EPB41L4A: variants seen among roughly 807,000 people sequenced by gnomAD.
The protein encoded by EPB41L4A is erythrocyte membrane protein band 4.1 like 4A, also known as band 4.1-like protein 4A.
A neutral mutation model predicts 108.6 loss-of-function variants in EPB41L4A; 100 were observed. That is an observed-to-expected ratio of 0.92 (90% CI 0.78 to 1.09). EPB41L4A has a LOEUF of 1.09. Among genes scored for constraint, EPB41L4A ranks in the 50% least tolerant of loss-of-function variants. The pLI, the probability that EPB41L4A is intolerant of heterozygous loss-of-function variation, is 0.00. For missense variants in EPB41L4A, 1,030 were observed against 842.7 expected, an observed-to-expected ratio of 1.22 and a Z score of -2.75; for synonymous variants, 319 against 289.0, an observed-to-expected ratio of 1.10 and a Z score of -1.05.
At chr5:112,279,592 TA>T (rs1561535862) in intron 3 of EPB41L4A, among the ~76,000 whole-genome samples, 1 of 152,202 alleles carries the variant, frequency 6.6e-6, no homozygotes, top group Admixed American at 6.5e-5. Flanking sequence ...TTTTATATGT[TA>T]TGTACCTTTT....
chr5:112,338,270 T>C lies in EPB41L4A; in HGVS notation c.100-30780A>G, dbSNP rs146245375. ...GCCAAACTAAACTGCTACCTTCCCA[T>C]AGCAGATCAGCTTCTCAGACCCCTT... On this transcript the variant is annotated intron_variant, in intron 1 of 22. Transcript: ENST00000261486. Among the ~76,000 whole-genome samples the C allele has an allele frequency of 1.0e-3, 157 of 152,248 alleles. 1 individual carries two copies. Among genetic ancestry groups the C allele is most frequent in the African/African-American group, 3.5e-3 (146 of 41,540 alleles).
At chr5:112,378,385 T>A (rs1759955505) in intron 1 of EPB41L4A, among the ~76,000 whole-genome samples, 1 of 152,202 alleles carries the variant, frequency 6.6e-6, no homozygotes, top group Admixed American at 6.5e-5. Flanking sequence ...AATTTATAAA[T>A]CTTTTCTATC....
chr5:112,155,560 T>C (rs1759618038), intron 12 of EPB41L4A, among the ~76,000 whole-genome samples: 1 of 152,256 alleles, frequency 6.6e-6, no homozygotes, highest in East Asian at 1.9e-4. Flanking sequence ...CTGACACATT[T>C]CTAGAGTGAC....
At chr5:112,407,232 C>T (rs1240615176) in intron 1 of EPB41L4A, among the ~76,000 whole-genome samples, 3 of 152,076 alleles carry the variant, frequency 2.0e-5, no homozygotes, top group East Asian at 3.9e-4. Context: ...ATTTTTCAAG[C>T]GTTTGAATAC....
At chr5:112,209,602 T>C (rs1395507184) in intron 13 of EPB41L4A, among the ~76,000 whole-genome samples, 1 of 152,254 alleles carries the variant, frequency 6.6e-6, no homozygotes, top group African/African-American at 2.4e-5. Context: ...CATGCCATTT[T>C]CAAAATCACA....
intron 1 of EPB41L4A, among the ~76,000 whole-genome samples, chr5:112,403,685 C>A (rs1437543290): frequency 6.6e-6 from 1 of 152,154 alleles, no homozygotes; most frequent in Non-Finnish European, 1.5e-5. Flanking sequence ...CCAACCTGGT[C>A]TCAAACTCCT....
chr5:112,302,381 A>G (rs1250079673), intron 2 of EPB41L4A, among the ~76,000 whole-genome samples: 1 of 152,094 alleles, frequency 6.6e-6, no homozygotes, highest in Non-Finnish European at 1.5e-5. Context: ...TCTCAGAAAC[A>G]TTTTTTAAAA....
intron 1 of EPB41L4A, among the ~76,000 whole-genome samples, chr5:112,323,177 A>G (rs1755914630): frequency 6.6e-6 from 1 of 152,060 alleles, no homozygotes; most frequent in South Asian, 2.1e-4. Flanking sequence ...TTCCTGGAGG[A>G]CAGACAACAA....
chr5:112,187,950 C>G (rs936351045), intron 17 of EPB41L4A, among the ~76,000 whole-genome samples: 3 of 152,158 alleles, frequency 2.0e-5, no homozygotes, highest in Non-Finnish European at 2.9e-5. Context: ...CTTTTTTGGT[C>G]AAGTCTCAGG....
At chr5:112,335,692 T>G (rs1756873304) in intron 1 of EPB41L4A, among the ~76,000 whole-genome samples, 1 of 152,256 alleles carries the variant, frequency 6.6e-6, no homozygotes, top group Admixed American at 6.5e-5. Flanking sequence ...TATCTACTTC[T>G]GCTCCTGTCT....
intron 17 of EPB41L4A, 109 bp from the exon 18 acceptor site, chr5:112,184,244 G>T: frequency 7.7e-7 from 1 of 1,292,808 alleles, no homozygotes; most frequent in South Asian, 1.4e-5. Flanking sequence ...ATTTTATTAT[G>T]ATCATTTATA....
At position 112,307,639 on chromosome 5, in the gene EPB41L4A, A is replaced by T. The variant is rs2150580049; in HGVS notation, c.100-149T>A. On this transcript the variant is annotated intron_variant, in intron 1 of 22. Coordinates refer to ENST00000261486, the MANE Select transcript of EPB41L4A (RefSeq NM_022140.5). ...CTTCTCTGTAAGTTGTGCCTCAATTATGAAGAAAAAAACGTGATTTAAAGC... is the reference window on the plus strand; with the variant it reads ...CTTCTCTGTAAGTTGTGCCTCAATTTTGAAGAAAAAAACGTGATTTAAAGC... 4 of 464,088 alleles carry T rather than the reference A, an allele frequency of 8.6e-6. No homozygotes were observed. In the Middle Eastern group the frequency reaches 1.4e-3, roughly 164 times the overall value. 28.7% of individuals were successfully genotyped at this position (464,088 alleles called of 1,614,324 possible). A position where few individuals can be genotyped will look rare whatever the true frequency, so the allele number is the denominator to read the frequency against.
intron 1 of EPB41L4A, among the ~76,000 whole-genome samples, chr5:112,344,007 G>A (rs372949686): frequency 2.0e-5 from 3 of 152,116 alleles, no homozygotes; most frequent in Non-Finnish European, 2.9e-5. Flanking sequence ...AGTATGCTAC[G>A]ATTGTGCCTG....
At chr5:112,419,742 G>A (rs1183563489), upstream of EPB41L4A, 3 of 456,666 alleles carry the variant, frequency 6.6e-6, no homozygotes, top group African/African-American at 4.0e-5. Flanking sequence ...AGGCGGAAAG[G>A]GCAGCAGGCT....
chr5:112,199,301 T>C (rs1430841544), intron 15 of EPB41L4A, among the ~76,000 whole-genome samples: 3 of 152,210 alleles, frequency 2.0e-5, no homozygotes, highest in African/African-American at 4.8e-5. Context: ...ATTTTCTGCC[T>C]AGGTAATATA....
intron 6 of EPB41L4A, 143 bp from the exon 7 acceptor site, chr5:112,262,724 G>T: frequency 1.5e-6 from 1 of 685,224 alleles, no homozygotes. Context: ...TTTCAAGAAG[G>T]CCTTTGCTTC....
rs1187374796 is a variant in EPB41L4A at position 112,277,189 on chromosome 5, C to G, written c.257-1785G>C. Reference sequence around the variant, plus strand: ...TGCCCGCAGGCAGCTGGGGTTGGTACCTAGGGGGCGGGGAGGAGCACAGAT... The same window carrying G: ...TGCCCGCAGGCAGCTGGGGTTGGTAGCTAGGGGGCGGGGAGGAGCACAGAT... On this transcript the variant is annotated intron_variant, in intron 3 of 22. Coordinates refer to ENST00000261486, the MANE Select transcript of EPB41L4A (RefSeq NM_022140.5). Among the ~76,000 whole-genome samples the G allele has an allele frequency of 2.0e-5, 3 of 152,158 alleles. 1 individual carries two copies. The highest frequency in any genetic ancestry group is 1.5e-5 in the Non-Finnish European group (1 of 68,008).
In EPB41L4A at chr5:112,177,520, C is replaced by T. The variant is rs114681057; in HGVS notation, c.1622+6496G>A. On this transcript the variant is annotated intron_variant, in intron 18 of 22. Transcript: ENST00000261486. ...ATATTCACACATTATGGAGATTAAG[C>T]CATGGACATATATCAGGGGTCATTA... Among the ~76,000 whole-genome samples, 888 of 152,264 alleles carry T rather than the reference C, an allele frequency of 5.8e-3. 3 individuals are homozygous for T. Among genetic ancestry groups the T allele is most frequent in the Middle Eastern group, 0.014 (4 of 294 alleles).
At chr5:112,298,987 G>T (rs113342705) in intron 2 of EPB41L4A, among the ~76,000 whole-genome samples, 1,798 of 152,254 alleles carry the variant, frequency 0.012, 42 homozygotes, top group African/African-American at 0.04. Flanking sequence ...GGTGTCAGTT[G>T]TAATATCCCC....
Sources: gnomAD v4.1 joint callset for allele counts (sites outside exome capture counted in the v4.1 genomes callset) on GRCh38, gnomAD v4.1.1 for gene constraint, MANE v1.5 for transcripts, NCBI Gene and HGNC (gene_info 2026-07-23, HGNC 2026-07-21) for gene names.